The following TRAF3IP1 variants were observed in gnomAD, a reference collection of about 807,000 sequenced individuals.
TRAF3IP1 encodes the protein intraflagellar transport 54.
A neutral mutation model predicts 89.9 loss-of-function variants in TRAF3IP1; 53 were observed. The observed-to-expected ratio is 0.59, with a 90% confidence interval of 0.47 to 0.74. TRAF3IP1 has a LOEUF of 0.74. Ranked by LOEUF, TRAF3IP1 falls within the 30% of genes least tolerant of loss-of-function variation. TRAF3IP1 has a pLI of 0.00. For missense variants in TRAF3IP1, 806 were observed against 866.1 expected (o/e 0.93, Z 0.87); for synonymous variants, 311 against 322.1 (o/e 0.97, Z 0.37).
intron 12 of TRAF3IP1, among the ~76,000 whole-genome samples, chr2:238,349,752 A>C (rs181537748): frequency 1.4e-4 from 21 of 152,348 alleles, no homozygotes; most frequent in Non-Finnish European, 1.8e-4. Flanking sequence ...ATTGCAGAAA[A>C]ATTAAAAATA....
chr2:238,395,816 A>G (rs1023032476), intron 15 of TRAF3IP1, among the ~76,000 whole-genome samples: 2 of 152,246 alleles, frequency 1.3e-5, no homozygotes, highest in Admixed American at 1.3e-4. Flanking sequence ...ATGCAAATCA[A>G]AACCACAATG....
chr2:238,381,548 G>A (rs1373162384), intron 15 of TRAF3IP1, among the ~76,000 whole-genome samples: 2 of 152,246 alleles, frequency 1.3e-5, no homozygotes, highest in African/African-American at 2.4e-5. Context: ...GTGCCTGCAA[G>A]CAGCACTGTG....
chr2:238,361,997 C>A (rs958429994), intron 15 of TRAF3IP1, among the ~76,000 whole-genome samples: 9 of 152,194 alleles, frequency 5.9e-5, no homozygotes, highest in African/African-American at 2.2e-4. Flanking sequence ...ATCCGAGTTG[C>A]CTGAGTTGCC....
At chr2:238,344,327 A>G (rs1682331929) in intron 8 of TRAF3IP1, among the ~76,000 whole-genome samples, 170 bp from the exon 9 acceptor site, 1 of 152,140 alleles carries the variant, frequency 6.6e-6, no homozygotes, top group Non-Finnish European at 1.5e-5. Flanking sequence ...GGGGAGGAAC[A>G]TTCTAGATGC....
intron 11 of TRAF3IP1, 112 bp from the exon 12 acceptor site, chr2:238,349,213 C>A: frequency 1.9e-6 from 2 of 1,026,908 alleles, no homozygotes; most frequent in Non-Finnish European, 2.9e-6. Context: ...CTAACCAGCA[C>A]ATTGATTATG....
intron 16 of TRAF3IP1, 91 bp from the exon 17 acceptor site, chr2:238,398,663 T>C (rs1461115942): frequency 5.3e-6 from 7 of 1,327,028 alleles, no homozygotes; most frequent in Non-Finnish European, 7.0e-6. Flanking sequence ...AAACGAATAA[T>C]TTACTTCTGT....
At chr2:238,339,789 A>G (rs896449420) in intron 8 of TRAF3IP1, among the ~76,000 whole-genome samples, 1 of 152,278 alleles carries the variant, frequency 6.6e-6, no homozygotes, top group African/African-American at 2.4e-5. Context: ...CTGAGCTGCC[A>G]GCCCCAGATC....
At chr2:238,380,095 C>T (rs991908369) in intron 15 of TRAF3IP1, among the ~76,000 whole-genome samples, 2 of 152,218 alleles carry the variant, frequency 1.3e-5, no homozygotes, top group South Asian at 4.1e-4. Context: ...GGTTCATCTG[C>T]TCAGAGACGT....
At chr2:238,356,874 G>A (rs531333645) in intron 15 of TRAF3IP1, among the ~76,000 whole-genome samples, 1 of 152,016 alleles carries the variant, frequency 6.6e-6, no homozygotes, top group South Asian at 2.1e-4. Context: ...CGCCTCCCGG[G>A]TTCACGCCAT....
In TRAF3IP1 at chr2:238,325,973, A is replaced by G; in HGVS notation, c.354+3A>G. 1 of 1,608,672 alleles carries G rather than the reference A, an allele frequency of 6.2e-7. No homozygotes were observed. Among genetic ancestry groups the G allele is most frequent in the Non-Finnish European group, 8.5e-7 (1 of 1,177,650 alleles). ...TTGGAAAATGCTGTCTCAACAAGGT[A>G]CTACTGCTGTCCTGGCATTTTGAAC... On this transcript the variant is annotated splice_donor_region_variant and intron_variant, in intron 3 of 16. Coordinates refer to ENST00000373327, the MANE Select transcript of TRAF3IP1 (RefSeq NM_015650.4).
chr2:238,338,000 C>T (rs113729074), intron 7 of TRAF3IP1, among the ~76,000 whole-genome samples: 10 of 152,094 alleles, frequency 6.6e-5, no homozygotes, highest in African/African-American at 2.4e-4. Context: ...AGTAATTAGT[C>T]CAGGGGCGTG....
chr2:238,369,554 G>C (rs1700019623), intron 15 of TRAF3IP1, among the ~76,000 whole-genome samples: 1 of 151,924 alleles, frequency 6.6e-6, no homozygotes, highest in Admixed American at 6.6e-5. Context: ...GTTTGGGTTT[G>C]TGTGGTGTTT....
At position 238,398,998 on chromosome 2, in the gene TRAF3IP1, G is replaced by A; in HGVS notation, c.*79G>A. ...AGATAGAAAATCATTACTCTTTTAAGTTCCAGTTTGCTAAGAAAATGAACA... is the reference window on the plus strand; with the variant it reads ...AGATAGAAAATCATTACTCTTTTAAATTCCAGTTTGCTAAGAAAATGAACA... On this transcript the variant is annotated 3_prime_UTR_variant, in exon 17 of 17. Coordinates refer to ENST00000373327, the MANE Select transcript of TRAF3IP1 (RefSeq NM_015650.4). 2 of 1,303,510 alleles carry A rather than the reference G, an allele frequency of 1.5e-6. No homozygotes were observed. The highest frequency in any genetic ancestry group is 2.1e-6 in the Non-Finnish European group (2 of 950,058). 80.7% of individuals were successfully genotyped at this position (1,303,510 alleles called of 1,614,324 possible). A position where few individuals can be genotyped will look rare whatever the true frequency, so the allele number is the denominator to read the frequency against.
intron 15 of TRAF3IP1, among the ~76,000 whole-genome samples, chr2:238,391,999 CT>C (rs1159546843): frequency 6.6e-6 from 1 of 152,168 alleles, no homozygotes; most frequent in African/African-American, 2.4e-5. Flanking sequence ...CATTTAGCGT[CT>C]TAATTTAAAG....
At chr2:238,339,422 T>C (rs1277574435) in intron 8 of TRAF3IP1, among the ~76,000 whole-genome samples, 1 of 152,214 alleles carries the variant, frequency 6.6e-6, no homozygotes, top group Non-Finnish European at 1.5e-5. Flanking sequence ...TATGTTTTCT[T>C]TTTGTGGGAG....
At chr2:238,328,584 G>C in intron 3 of TRAF3IP1, 102 bp from the exon 4 acceptor site, 1 of 1,330,252 alleles carries the variant, frequency 7.5e-7, no homozygotes, top group South Asian at 1.5e-5. Flanking sequence ...TGTAGACAGA[G>C]AATCTGTCTC....
intron 15 of TRAF3IP1, among the ~76,000 whole-genome samples, chr2:238,396,853 C>T (rs1041181328): frequency 3.9e-5 from 6 of 152,182 alleles, no homozygotes; most frequent in East Asian, 3.9e-4. Flanking sequence ...ACGTCTAAGT[C>T]GACCTGACCA....
chr2:238,365,273 T>C (rs1022066914), intron 15 of TRAF3IP1, among the ~76,000 whole-genome samples: 2 of 152,226 alleles, frequency 1.3e-5, no homozygotes, highest in Non-Finnish European at 2.9e-5. Flanking sequence ...ATTCTACACC[T>C]GACAACAGTA....
At chr2:238,384,075 C>A (rs879629185) in intron 15 of TRAF3IP1, among the ~76,000 whole-genome samples, 12 of 152,116 alleles carry the variant, frequency 7.9e-5, no homozygotes, top group South Asian at 2.1e-4. Context: ...GGGCCCCCCC[C>A]ATCTGGATGC....
Sources: allele counts gnomAD v4.1 joint callset (sites outside exome capture counted in the v4.1 genomes callset), GRCh38; gene constraint gnomAD v4.1.1; transcripts MANE v1.5; gene names NCBI Gene and HGNC (gene_info 2026-07-23, HGNC 2026-07-21).